The following RTN1 variants were observed in gnomAD, a reference collection of about 807,000 sequenced individuals.
RTN1 encodes the protein reticulon 1.
Under a neutral mutation model 65.5 loss-of-function variants are expected in RTN1, and 25 were observed. The ratio of observed to expected loss-of-function variants is 0.38; its 90% confidence interval spans 0.28 to 0.53. RTN1 has a LOEUF of 0.53. Ranked by LOEUF, RTN1 falls within the 20% of genes least tolerant of loss-of-function variation. The probability of loss-of-function intolerance (pLI) is 0.79; values close to 1 mark genes in which losing one functional copy is unlikely to be tolerated. For missense variants in RTN1, 983 were observed against 1,025.4 expected, an observed-to-expected ratio of 0.96 and a Z score of 0.57; for synonymous variants, 471 against 447.6, an observed-to-expected ratio of 1.05 and a Z score of -0.66.
rs141663266 is a variant in RTN1, at chr14:59,810,693, C to T, written c.241+59697G>A. On this transcript the variant is annotated intron_variant, in intron 1 of 8. Transcript: ENST00000267484. ...TGTGACATCGGTGGGGAGGAACACT[C>T]AAGGAAAGTTACCAGGAAGTGATGA... Among the ~76,000 whole-genome samples, 3 of 152,200 alleles carry T rather than the reference C, an allele frequency of 2.0e-5. No homozygotes were observed. In the East Asian group the frequency reaches 5.8e-4, roughly 29 times the overall value.
chr14:59,847,101 T>C (rs553911932), intron 1 of RTN1, among the ~76,000 whole-genome samples: 2 of 152,312 alleles, frequency 1.3e-5, no homozygotes, highest in Non-Finnish European at 2.9e-5. Context: ...TTCCAGAACC[T>C]TTTCCAGTAA....
At chr14:59,814,746 G>A (rs1329986026) in intron 1 of RTN1, among the ~76,000 whole-genome samples, 1 of 152,078 alleles carries the variant, frequency 6.6e-6, no homozygotes, top group Non-Finnish European at 1.5e-5. Flanking sequence ...CATGATTTTA[G>A]GCTACTACAA....
chr14:59,688,714 C>T (rs145873555), intron 3 of RTN1, among the ~76,000 whole-genome samples: 198 of 152,270 alleles, frequency 1.3e-3, no homozygotes, highest in African/African-American at 4.3e-3. Context: ...CCAAAATATA[C>T]TACCCAGCCT....
chr14:59,787,271 G>A (rs76988931), intron 1 of RTN1, among the ~76,000 whole-genome samples: 6 of 152,124 alleles, frequency 3.9e-5, no homozygotes, highest in Non-Finnish European at 7.4e-5. Flanking sequence ...CTCCTGCTGC[G>A]GTGGGGGCTC....
At chr14:59,699,052 T>A (rs1022316196) in intron 3 of RTN1, among the ~76,000 whole-genome samples, 3 of 152,168 alleles carry the variant, frequency 2.0e-5, no homozygotes, top group African/African-American at 7.2e-5. Context: ...AGCTGGAAGC[T>A]TGTTGTCATC....
At chr14:59,865,545 C>A (rs35097543) in intron 1 of RTN1, among the ~76,000 whole-genome samples, 26,825 of 152,130 alleles carry the variant, frequency 0.18, 2,874 homozygotes, top group East Asian at 0.29. Flanking sequence ...CCCTTCCCTC[C>A]CTTTTCTCAT....
At chr14:59,669,200 C>T (rs1332110309) in intron 3 of RTN1, among the ~76,000 whole-genome samples, 1 of 152,120 alleles carries the variant, frequency 6.6e-6, no homozygotes, top group Middle Eastern at 3.2e-3. Flanking sequence ...GACTTGGAAC[C>T]AACCCAAATG....
intron 3 of RTN1, among the ~76,000 whole-genome samples, chr14:59,657,890 A>C (rs961726603): frequency 7.9e-5 from 12 of 152,122 alleles, no homozygotes; most frequent in Non-Finnish European, 1.5e-4. Flanking sequence ...AACCAGCCAG[A>C]CAGAACCATT....
At chr14:59,713,771 T>C (rs1212046792) in intron 3 of RTN1, among the ~76,000 whole-genome samples, 1 of 152,184 alleles carries the variant, frequency 6.6e-6, no homozygotes, top group Non-Finnish European at 1.5e-5. Context: ...TGACAACATT[T>C]CAGGAAGAAG....
intron 1 of RTN1, among the ~76,000 whole-genome samples, chr14:59,857,606 T>C (rs1029659331): frequency 6.6e-6 from 1 of 152,164 alleles, no homozygotes; most frequent in African/African-American, 2.4e-5. Context: ...CCCATGTACC[T>C]CCCTCTTTAT....
At chr14:59,734,108 G>A (rs559807764) in intron 2 of RTN1, among the ~76,000 whole-genome samples, 1 of 152,256 alleles carries the variant, frequency 6.6e-6, no homozygotes, top group East Asian at 1.9e-4. Flanking sequence ...GGCAACTAAG[G>A]TCTGGAGTGG....
At chr14:59,753,312 T>C (rs759205328) in intron 1 of RTN1, among the ~76,000 whole-genome samples, 9 of 152,088 alleles carry the variant, frequency 5.9e-5, no homozygotes, top group African/African-American at 1.9e-4. Context: ...CAGTATGAAA[T>C]TGGAAGGACC....
At chr14:59,822,060 T>G (rs1487567882) in intron 1 of RTN1, among the ~76,000 whole-genome samples, 3 of 152,176 alleles carry the variant, frequency 2.0e-5, no homozygotes, top group African/African-American at 7.2e-5. Context: ...CTTCTCAGTT[T>G]CTTGGAATAA....
intron 1 of RTN1, among the ~76,000 whole-genome samples, chr14:59,765,203 G>GA (rs371183795): frequency 1.3e-5 from 2 of 152,092 alleles, no homozygotes; most frequent in Admixed American, 6.5e-5. Flanking sequence ...CAGATACTCT[G>GA]AAAAAATAGT....
chr14:59,740,470 C>A (rs892893619), intron 2 of RTN1, among the ~76,000 whole-genome samples: 1 of 152,012 alleles, frequency 6.6e-6, no homozygotes, highest in African/African-American at 2.4e-5. Context: ...ATAGGTATGC[C>A]CTAAGAAATA....
intron 1 of RTN1, among the ~76,000 whole-genome samples, chr14:59,828,642 T>C (rs1887074715): frequency 6.6e-6 from 1 of 152,202 alleles, no homozygotes; most frequent in African/African-American, 2.4e-5. Flanking sequence ...TCTCAGGGAA[T>C]AGCCCACTAC....
intron 3 of RTN1, among the ~76,000 whole-genome samples, chr14:59,639,382 G>A (rs997396419): frequency 6.6e-6 from 1 of 152,188 alleles, no homozygotes; most frequent in Non-Finnish European, 1.5e-5. Context: ...CTTACTCAAT[G>A]CAGGTTTGCC....
In RTN1 at chr14:59,870,553, C is replaced by T. The variant is rs1323588468; in HGVS notation, c.78G>A (p.Gly26=). 4.8e-6 allele frequency: 7 copies of T among 1,457,206 alleles called. No individual in the cohort carries two copies. Among genetic ancestry groups the T allele is most frequent in the Non-Finnish European group, 6.3e-6 (7 of 1,110,238 alleles). 90.3% of individuals were successfully genotyped at this position (1,457,206 alleles called of 1,614,324 possible). A position where few individuals can be genotyped will look rare whatever the true frequency, so the allele number is the denominator to read the frequency against. Residue 26 remains glycine (G), a synonymous_variant, in exon 1 of 9, where the codon GGG becomes GGA. Transcript: ENST00000267484. This position sits in a 1 kb window ranked among gnomAD's most constrained non-coding sequence, Gnocchi z 5.1. ...GPGSQWLRHR[G]EGENEAVTPK... is the part of the protein sequence containing the mutation. ...GCGTCACCGCTTCGTTCTCCCCCTC[C>T]CCCCGGTGCCTGAGCCACTGGGACC... is the stretch of plus-strand genomic sequence containing the variant.
At chr14:59,759,029 G>A (rs1885696051) in intron 1 of RTN1, among the ~76,000 whole-genome samples, 1 of 152,140 alleles carries the variant, frequency 6.6e-6, no homozygotes, top group African/African-American at 2.4e-5. Context: ...ATGCTGGGTG[G>A]GTTGCAGTAT....
Sources: gnomAD v4.1 joint callset for allele counts (sites outside exome capture counted in the v4.1 genomes callset) on GRCh38, gnomAD v4.1.1 for gene constraint, Gnocchi (gnomAD v3.1) non-coding constraint, MANE v1.5 for transcripts, NCBI Gene and HGNC (gene_info 2026-07-23, HGNC 2026-07-21) for gene names.